Variants in PHACTR3 observed in about 807,000 individuals in gnomAD.
PHACTR3 encodes the protein phosphatase and actin regulator 3, also known as protein phosphatase 1, regulatory subunit 123.
Under a neutral mutation model 66.8 loss-of-function variants are expected in PHACTR3, and 16 were observed. The observed-to-expected ratio is 0.24, with a 90% confidence interval of 0.16 to 0.36. The LOEUF (loss-of-function observed/expected upper bound fraction) is 0.36, where lower values mean the gene tolerates loss of function less well. Among genes scored for constraint, PHACTR3 ranks in the 10% least tolerant of loss-of-function variants. PHACTR3 has a pLI of 1.00. For synonymous variants in PHACTR3, 323 were observed against 292.1 expected (o/e 1.11, Z -1.08); for missense variants, 647 against 719.9 (o/e 0.90, Z 1.16).
intron 1 of PHACTR3, among the ~76,000 whole-genome samples, chr20:59,653,433 T>G (rs1182525080): frequency 6.6e-6 from 1 of 152,164 alleles, no homozygotes; most frequent in Non-Finnish European, 1.5e-5. Flanking sequence ...TCCACCTGCC[T>G]TGGCCTCCCA....
At chr20:59,726,761 G>A (rs1327635855) in intron 1 of PHACTR3, among the ~76,000 whole-genome samples, 3 of 151,968 alleles carry the variant, frequency 2.0e-5, no homozygotes, top group East Asian at 1.9e-4. Context: ...TGCTGTTGAC[G>A]GTTTGGATAC....
At chr20:59,826,271 G>A (rs1331872130) in intron 8 of PHACTR3, among the ~76,000 whole-genome samples, 21 of 152,106 alleles carry the variant, frequency 1.4e-4, no homozygotes, top group Admixed American at 1.4e-3. Context: ...CTCCCTCCAG[G>A]AATTCCCTGC....
At chr20:59,594,052 T>A (rs1378359423) in intron 1 of PHACTR3, among the ~76,000 whole-genome samples, 3 of 152,210 alleles carry the variant, frequency 2.0e-5, no homozygotes, top group African/African-American at 7.2e-5. Context: ...TTGACTGAGA[T>A]TGCATTGAAT....
intron 10 of PHACTR3, among the ~76,000 whole-genome samples, chr20:59,840,909 G>C (rs1176076430): frequency 2.0e-5 from 3 of 152,178 alleles, no homozygotes; most frequent in Non-Finnish European, 2.9e-5. Flanking sequence ...AATACAGGTA[G>C]CAACTCTATA....
chr20:59,840,298 C>T (rs972231491), intron 9 of PHACTR3, 71 bp from the exon 10 acceptor site: 21 of 1,562,574 alleles, frequency 1.3e-5, no homozygotes, highest in African/African-American at 1.2e-4. Context: ...GAACACTTCC[C>T]TGCTGAAGAG....
intron 1 of PHACTR3, among the ~76,000 whole-genome samples, chr20:59,686,922 TGTGATGATGGTG>T (rs568041773): frequency 0.013 from 892 of 66,442 alleles, 6 homozygotes; most frequent in Non-Finnish European, 0.021. Context: ...TGGTGATGAT[TGTGATGATGGTG>T]GTGATGATGG....
chr20:59,628,616 C>T, intron 1 of PHACTR3: 1 of 985,396 alleles, frequency 1.0e-6, no homozygotes, highest in Non-Finnish European at 1.2e-6. Flanking sequence ...CACAAAAACA[C>T]AAAGAAACAA....
At chr20:59,821,394 G>A (rs1465612909) in intron 8 of PHACTR3, among the ~76,000 whole-genome samples, 5 of 152,046 alleles carry the variant, frequency 3.3e-5, no homozygotes, top group Non-Finnish European at 7.4e-5. Flanking sequence ...GTCCAGGGTG[G>A]CTGCAAAGGC....
intron 1 of PHACTR3, among the ~76,000 whole-genome samples, chr20:59,685,409 C>T (rs1350108681): frequency 2.0e-5 from 3 of 152,182 alleles, no homozygotes; most frequent in Non-Finnish European, 4.4e-5. Flanking sequence ...GTCTCTACCG[C>T]CTGCTTGCTT....
intron 1 of PHACTR3, among the ~76,000 whole-genome samples, chr20:59,619,734 T>C (rs1007008495): frequency 6.6e-6 from 1 of 152,164 alleles, no homozygotes; most frequent in African/African-American, 2.4e-5. Flanking sequence ...AGAAAACTAA[T>C]ACGGGGAGGG....
intron 5 of PHACTR3, among the ~76,000 whole-genome samples, chr20:59,771,662 T>C (rs2040366217): frequency 6.6e-6 from 1 of 152,084 alleles, no homozygotes; most frequent in African/African-American, 2.4e-5. Context: ...TACAATCATC[T>C]GCTCTCTTTC....
In PHACTR3 at chr20:59,778,227, A is replaced by C. The variant is rs1316952502; in HGVS notation, c.1174+3737A>C. The stretch of plus-strand genomic sequence containing the variant: ...TCTCCACACAGGTGGCCACAGGACC[A>C]GGGTCTCATAGAAGTTGGATAATGT... On this transcript the variant is annotated intron_variant, in intron 7 of 12. Transcript: ENST00000371015. 3.9e-5 allele frequency among the ~76,000 whole-genome samples: 6 copies of C among 152,284 alleles called. No individual in the cohort carries two copies. The South Asian group carries it at 1.2e-3, about 32-fold the overall frequency.
intron 1 of PHACTR3, among the ~76,000 whole-genome samples, chr20:59,681,160 C>T (rs2036629547): frequency 6.6e-6 from 1 of 151,706 alleles, no homozygotes; most frequent in Admixed American, 6.6e-5. Context: ...GAGGCAGAGA[C>T]CATAGATCCA....
chr20:59,758,032 C>CT (rs2039866918), intron 4 of PHACTR3, among the ~76,000 whole-genome samples: 1 of 152,094 alleles, frequency 6.6e-6, no homozygotes, highest in Non-Finnish European at 1.5e-5. Flanking sequence ...GCAGGTTATC[C>CT]CTGAGGGCAG....
At chr20:59,707,891 A>G (rs1014326575) in intron 1 of PHACTR3, among the ~76,000 whole-genome samples, 2 of 152,228 alleles carry the variant, frequency 1.3e-5, no homozygotes, top group African/African-American at 2.4e-5. Flanking sequence ...CTGCAGAACC[A>G]TGAGCCAAAT....
chr20:59,767,049 G>A, intron 4 of PHACTR3, 137 bp from the exon 5 acceptor site: 1 of 747,088 alleles, frequency 1.3e-6, no homozygotes, highest in Non-Finnish European at 2.2e-6. Context: ...CTTGCAGGAA[G>A]TCAAGTGCCT....
At chr20:59,617,856 T>C (rs2034089204) in intron 1 of PHACTR3, among the ~76,000 whole-genome samples, 1 of 152,214 alleles carries the variant, frequency 6.6e-6, no homozygotes, top group East Asian at 1.9e-4. Context: ...CCTATGATAA[T>C]GTCAGGGGTG....
chr20:59,612,360 C>A (rs1022816911), intron 1 of PHACTR3, among the ~76,000 whole-genome samples: 5 of 140,804 alleles, frequency 3.6e-5, no homozygotes, highest in African/African-American at 1.3e-4. Context: ...CCATCTTCAT[C>A]TTTTTTTTTT....
intron 1 of PHACTR3, among the ~76,000 whole-genome samples, chr20:59,685,818 A>C (rs1458672158): frequency 6.6e-6 from 1 of 152,206 alleles, no homozygotes; most frequent in East Asian, 1.9e-4. Flanking sequence ...TCCCCGTTAC[A>C]GTCTGGCCTG....
Sources: allele counts gnomAD v4.1 joint callset (sites outside exome capture counted in the v4.1 genomes callset), GRCh38; gene constraint gnomAD v4.1.1; transcripts MANE v1.5; gene names NCBI Gene and HGNC (gene_info 2026-07-23, HGNC 2026-07-21).